The following NRG1 variants were observed in gnomAD, a reference collection of about 807,000 sequenced individuals.
NRG1 encodes pro-neuregulin-1, membrane-bound isoform.
NRG1 carries 18 observed loss-of-function variants against 63.8 expected under a neutral mutation model. The observed-to-expected ratio is 0.28, with a 90% CI of 0.19 to 0.42. The LOEUF is 0.42. NRG1 is among the 10% of genes least tolerant of loss of function. NRG1 has a pLI of 1.00. For missense variants in NRG1, 762 were observed against 814.7 expected (o/e 0.94, Z 0.79); for synonymous variants, 302 against 301.3 (o/e 1.00, Z -0.02).
chr8:32,643,882 T>C (rs1157450018), intron 5 of NRG1, among the ~76,000 whole-genome samples: 2 of 152,232 alleles, frequency 1.3e-5, no homozygotes, highest in East Asian at 3.8e-4. Flanking sequence ...TATTTCATTG[T>C]TACATATTCT....
At chr8:32,210,293 GAA>G (rs1844558666) in intron 1 of NRG1, among the ~76,000 whole-genome samples, 3 of 152,036 alleles carry the variant, frequency 2.0e-5, no homozygotes, top group African/African-American at 7.2e-5. Context: ...TTGAACACAG[GAA>G]TACCCAAGTA....
chr8:32,443,323 G>T (rs1214012582), intron 1 of NRG1, among the ~76,000 whole-genome samples: 1 of 152,082 alleles, frequency 6.6e-6, no homozygotes, highest in African/African-American at 2.4e-5. Context: ...AGCTTTATCA[G>T]GTCATTCACA....
chr8:32,331,927 A>C (rs1282306444), intron 1 of NRG1, among the ~76,000 whole-genome samples: 1 of 152,152 alleles, frequency 6.6e-6, no homozygotes, highest in Admixed American at 6.5e-5. Flanking sequence ...TGTCAAATGG[A>C]AGTAAAACAT....
At chr8:32,113,326 G>A (rs189429040) in intron 1 of NRG1, among the ~76,000 whole-genome samples, 2 of 152,138 alleles carry the variant, frequency 1.3e-5, no homozygotes, top group African/African-American at 2.4e-5. Flanking sequence ...CCTTTGAAAC[G>A]TATCTCCAAT....
At chr8:32,015,425 G>T (rs952995581) in intron 1 of NRG1, among the ~76,000 whole-genome samples, 1 of 152,082 alleles carries the variant, frequency 6.6e-6, no homozygotes, top group African/African-American at 2.4e-5. Flanking sequence ...TATTACAAAG[G>T]AAATAGCATT....
chr8:32,513,056 A>G (rs1829396388), intron 1 of NRG1, among the ~76,000 whole-genome samples: 1 of 152,132 alleles, frequency 6.6e-6, no homozygotes, highest in South Asian at 2.1e-4. Context: ...CTATAAAGAC[A>G]AAGAGGTAGG....
chr8:32,043,768 C>A (rs1820470984), intron 1 of NRG1, among the ~76,000 whole-genome samples: 1 of 151,726 alleles, frequency 6.6e-6, no homozygotes, highest in Admixed American at 6.6e-5. Context: ...ATCCCTGGAG[C>A]AACCACCAAA....
At chr8:31,983,105 C>G (rs549801833) in intron 1 of NRG1, among the ~76,000 whole-genome samples, 16 of 151,962 alleles carry the variant, frequency 1.1e-4, no homozygotes, top group Non-Finnish European at 2.2e-4. Context: ...GGCTATCAGC[C>G]CCCTGGAAAA....
Position 31,652,099 on chromosome 8 carries a change from T to C in NRG1, c.37+12668T>C, listed in dbSNP as rs975499844. On this transcript the variant is annotated intron_variant, in intron 1 of 10. Transcript: ENST00000519301. ...CAGTGACTTCCTTGGTCGACACTTATTTGGTGCCAGAGTAGTAGGCGCTGA... is the reference window on the plus strand; with the variant it reads ...CAGTGACTTCCTTGGTCGACACTTACTTGGTGCCAGAGTAGTAGGCGCTGA... 2.0e-5 allele frequency among the ~76,000 whole-genome samples: 3 copies of C among 152,188 alleles called. No individual in the cohort carries two copies. In the East Asian group the frequency reaches 5.8e-4, roughly 29 times the overall value.
At chr8:31,735,167 C>G (rs1347763999) in intron 1 of NRG1, among the ~76,000 whole-genome samples, 1 of 152,106 alleles carries the variant, frequency 6.6e-6, no homozygotes, top group Non-Finnish European at 1.5e-5. Flanking sequence ...ACTTTAAATT[C>G]ACAGTGTATG....
intron 3 of NRG1, among the ~76,000 whole-genome samples, chr8:32,609,225 G>A (rs868782737): frequency 2.6e-5 from 4 of 152,158 alleles, no homozygotes; most frequent in African/African-American, 4.8e-5. Flanking sequence ...GCATCCAGAA[G>A]GAAAATATGT....
At chr8:32,116,842 C>T (rs770353939) in intron 1 of NRG1, among the ~76,000 whole-genome samples, 4 of 151,724 alleles carry the variant, frequency 2.6e-5, no homozygotes, top group Non-Finnish European at 5.9e-5. Flanking sequence ...GTCATTTTAT[C>T]TCTTAAAGAT....
intron 1 of NRG1, among the ~76,000 whole-genome samples, chr8:32,417,386 C>T (rs1816070785): frequency 6.6e-6 from 1 of 152,116 alleles, no homozygotes; most frequent in African/African-American, 2.4e-5. Context: ...TGGTGAGGTA[C>T]AGGGAGCATC....
At chr8:32,226,520 GC>G (rs1370289901) in intron 1 of NRG1, among the ~76,000 whole-genome samples, 3 of 151,904 alleles carry the variant, frequency 2.0e-5, no homozygotes, top group Non-Finnish European at 4.4e-5. Context: ...ATTTGAACTT[GC>G]CTAAATTAGA....
intron 1 of NRG1, among the ~76,000 whole-genome samples, chr8:31,990,027 A>G (rs1014576362): frequency 2.0e-5 from 3 of 152,128 alleles, no homozygotes; most frequent in South Asian, 2.1e-4. Context: ...TTCTAATGCT[A>G]TCTAACAAGG....
chr8:32,684,929 A>T (rs748795074), intron 5 of NRG1, among the ~76,000 whole-genome samples: 1 of 152,142 alleles, frequency 6.6e-6, no homozygotes, highest in Non-Finnish European at 1.5e-5. Context: ...AACTGAACAT[A>T]ATTTTTGAGT....
chr8:32,138,490 C>T (rs1450385132), intron 1 of NRG1, among the ~76,000 whole-genome samples: 1 of 151,942 alleles, frequency 6.6e-6, no homozygotes, highest in Non-Finnish European at 1.5e-5. Flanking sequence ...AACCAGGACA[C>T]ATTGGTATGC....
At chr8:32,482,398 TTGTGTGTGTG>T (rs10689849) in intron 1 of NRG1, among the ~76,000 whole-genome samples, 1 of 148,218 alleles carries the variant, frequency 6.7e-6, no homozygotes, top group African/African-American at 2.5e-5. Flanking sequence ...CTTTCTACTT[TTGTGTGTGTG>T]TGTGTGTGTG....
At chr8:32,618,479 C>T (rs796464910) in intron 5 of NRG1, among the ~76,000 whole-genome samples, 19 of 152,274 alleles carry the variant, frequency 1.2e-4, no homozygotes, top group African/African-American at 4.3e-4. Context: ...TGCATTATCA[C>T]TGAGAGAGAA....
Sources: allele counts gnomAD v4.1 joint callset (sites outside exome capture counted in the v4.1 genomes callset), GRCh38; gene constraint gnomAD v4.1.1; transcripts MANE v1.5; gene names NCBI Gene and HGNC (gene_info 2026-07-23, HGNC 2026-07-21).